The following MYLK variants were observed in gnomAD, a reference collection of about 807,000 sequenced individuals.
The protein encoded by MYLK is myosin light chain kinase.
Under a neutral mutation model 203.4 loss-of-function variants are expected in MYLK, and 106 were observed. The observed-to-expected ratio is 0.52, with a 90% CI of 0.45 to 0.61. The LOEUF (loss-of-function observed/expected upper bound fraction) is 0.61, where lower values mean the gene tolerates loss of function less well. Among genes scored for constraint, MYLK ranks in the 20% least tolerant of loss-of-function variants. The pLI, the probability that MYLK is intolerant of heterozygous loss-of-function variation, is 0.00. For synonymous variants in MYLK, 867 were observed against 959.5 expected, an observed-to-expected ratio of 0.90 and a Z score of 1.78; for missense variants, 2,072 against 2,442.3, an observed-to-expected ratio of 0.85 and a Z score of 3.20.
intron 18 of MYLK, among the ~76,000 whole-genome samples, chr3:123,694,526 C>T (rs2060826269): frequency 1.3e-5 from 2 of 152,132 alleles, no homozygotes; most frequent in Admixed American, 6.5e-5. Flanking sequence ...AGAGACCAAT[C>T]CCATCTGGAA....
At chr3:123,762,761 C>CA (rs1321131696) in intron 4 of MYLK, among the ~76,000 whole-genome samples, 1 of 152,180 alleles carries the variant, frequency 6.6e-6, no homozygotes, top group Non-Finnish European at 1.5e-5. Context: ...CATGAGATGA[C>CA]ATAGCATTCA....
chr3:123,768,102 C>A (rs941210833), intron 4 of MYLK, among the ~76,000 whole-genome samples: 21 of 152,182 alleles, frequency 1.4e-4, no homozygotes, highest in Non-Finnish European at 2.9e-4. Context: ...GCCCTAGAAG[C>A]TGAGGGGAAC....
At chr3:123,858,591 T>G (rs2031616834) in intron 2 of MYLK, among the ~76,000 whole-genome samples, 1 of 152,166 alleles carries the variant, frequency 6.6e-6, no homozygotes, top group East Asian at 1.9e-4. Flanking sequence ...CTTCCTCTTC[T>G]TATAACACCA....
At chr3:123,657,670 T>C (rs1156360501) in intron 23 of MYLK, among the ~76,000 whole-genome samples, 1 of 152,212 alleles carries the variant, frequency 6.6e-6, no homozygotes, top group East Asian at 1.9e-4. Context: ...TTTTGCTAGT[T>C]TTCCAGTCTA....
chr3:123,782,512 A>G (rs548104461), intron 4 of MYLK, among the ~76,000 whole-genome samples: 39 of 152,372 alleles, frequency 2.6e-4, no homozygotes, highest in Admixed American at 4.6e-4. Context: ...GAAGATAGAT[A>G]TTAGAAGGAA....
In MYLK at chr3:123,640,449, C is replaced by T; in HGVS notation, c.4675G>A (p.Glu1559Lys). The change falls in exon 28 of 34, where the codon GAG (glutamate) becomes AAG (lysine). Residue 1559 changes from glutamate (E) to lysine (K), a missense_variant. By Grantham distance (56) the Glu-to-Lys change is moderately conservative (BLOSUM62 1). Coordinates refer to ENST00000360304, the MANE Select transcript of MYLK (RefSeq NM_053025.4). The surrounding 1 kb of genome is among the most constrained non-coding windows in gnomAD (Gnocchi z 4.3). Reference sequence around the variant, plus strand: ...CGCATGTACTTGATGCACTCACGCTCCGTCAGCTCAAAGTCCTCGTCAATG... The same window carrying T: ...CGCATGTACTTGATGCACTCACGCTTCGTCAGCTCAAAGTCCTCGTCAATG... ...RIIDEDFELT[E>K]RECIKYMRQI... 6.2e-7 allele frequency: 1 copy of T among 1,614,122 alleles called. No individual in the cohort carries two copies. The highest frequency in any genetic ancestry group is 8.5e-7 in the Non-Finnish European group (1 of 1,180,036).
chr3:123,700,844 C>G lies in MYLK; in HGVS notation c.2624G>C (p.Arg875Thr), dbSNP rs1421073194. The change falls in exon 18 of 34, where the codon AGG (arginine) becomes ACG (threonine). Residue 875 changes from arginine to threonine, a missense_variant. Physicochemically the swap from Arg to Thr is moderately conservative, Grantham distance 71 (BLOSUM62 -1). Transcript: ENST00000360304. ...AGTGTGCTGCCTCGTCTCCACGCGC[C>G]TCTTCAGCACCCCTCGCACGTCCTC... ...DGEDVRGVLK[R>T]RVETRQHTEE... is the part of the protein sequence containing the mutation. The G allele has an allele frequency of 6.2e-7, 1 of 1,614,080 alleles. No homozygotes were observed. The highest frequency in any genetic ancestry group is 1.3e-5 in the African/African-American group (1 of 75,044).
At chr3:123,861,019 A>C (rs2031847248) in intron 2 of MYLK, among the ~76,000 whole-genome samples, 1 of 152,048 alleles carries the variant, frequency 6.6e-6, no homozygotes, top group Admixed American at 6.5e-5. Context: ...GGTCTCAGCT[A>C]CTTGGGAGGC....
intron 4 of MYLK, among the ~76,000 whole-genome samples, chr3:123,788,360 T>C (rs942168609): frequency 6.6e-6 from 1 of 151,902 alleles, no homozygotes; most frequent in Non-Finnish European, 1.5e-5. Flanking sequence ...TTCTTTCAAA[T>C]TTCTCTTTTT....
intron 2 of MYLK, among the ~76,000 whole-genome samples, chr3:123,869,169 T>G (rs1234239463): frequency 6.6e-6 from 1 of 152,028 alleles, no homozygotes; most frequent in African/African-American, 2.4e-5. Context: ...CCTCATCCCC[T>G]AACACGTGTG....
rs145612967 is a variant in MYLK at position 123,719,553 on chromosome 3, T to C, written c.1804+2575A>G. Among the ~76,000 whole-genome samples, 1,270 of 152,336 alleles carry C rather than the reference T, an allele frequency of 8.3e-3. 25 individuals carry two copies. Among genetic ancestry groups the C allele is most frequent in the African/African-American group, 0.029 (1,199 of 41,574 alleles). Reference sequence around the variant, plus strand: ...TGCTATCCTATGCTCTGGGGATACTTTGCACATTCATTCACTTAATCCTCA... The same window carrying C: ...TGCTATCCTATGCTCTGGGGATACTCTGCACATTCATTCACTTAATCCTCA... On this transcript the variant is annotated intron_variant, in intron 13 of 33. Transcript: ENST00000360304.
At position 123,733,726 on chromosome 3, in the gene MYLK, C is replaced by T. The variant is rs1302739464; in HGVS notation, c.1270G>A (p.Glu424Lys). 6.2e-7 allele frequency: 1 copy of T among 1,614,220 alleles called. No individual in the cohort carries two copies. Among genetic ancestry groups the T allele is most frequent in the East Asian group, 2.2e-5 (1 of 44,874 alleles). Residue 424 changes from glutamate to lysine, a missense_variant, in exon 10 of 34, where the codon GAG becomes AAG. By Grantham distance (56) the Glu-to-Lys change is moderately conservative (BLOSUM62 1). Transcript: ENST00000360304. ...PKFESKPQSQEVKENQTVKFR... is the reference protein window; with the variant it reads ...PKFESKPQSQKVKENQTVKFR... ...TTGACAGTTTGATTTTCCTTGACCTCCTGGCTTTGGGGCTTGCTCTCAAAT... is the reference window on the plus strand; with the variant it reads ...TTGACAGTTTGATTTTCCTTGACCTTCTGGCTTTGGGGCTTGCTCTCAAAT...
intron 13 of MYLK, among the ~76,000 whole-genome samples, chr3:123,710,569 A>G (rs1576679457): frequency 6.6e-6 from 1 of 152,228 alleles, no homozygotes; most frequent in African/African-American, 2.4e-5. Context: ...ATAAAAAGAC[A>G]TCACATCCCA....
At chr3:123,702,497 G>A (rs2061281637) in intron 16 of MYLK, among the ~76,000 whole-genome samples, 1 of 152,170 alleles carries the variant, frequency 6.6e-6, no homozygotes, top group Admixed American at 6.5e-5. Flanking sequence ...GCTCTGGGGT[G>A]GGACCCTCAG....
rs1007785900 is a variant in MYLK at position 123,610,609 on chromosome 3, C to T, written c.*3496G>A. 1 of 152,258 alleles carries T rather than the reference C, an allele frequency of 6.6e-6. No homozygotes were observed. Among genetic ancestry groups the T allele is most frequent in the Non-Finnish European group, 1.5e-5 (1 of 68,090 alleles). The allele number at this position is 152,258 out of a possible 1,614,324, so 9.4% of individuals were successfully genotyped here. A position where few individuals can be genotyped will look rare whatever the true frequency, so the allele number is the denominator to read the frequency against. ...GGAAGCCGAGAGTGAAGCCCTAACT[C>T]TGTGCAGAGATCCTTAGCAACAACT... On this transcript the variant is annotated 3_prime_UTR_variant, in exon 34 of 34. Transcript: ENST00000360304.
intron 2 of MYLK, among the ~76,000 whole-genome samples, chr3:123,850,023 T>C (rs1364675347): frequency 6.6e-6 from 1 of 152,240 alleles, no homozygotes; most frequent in Non-Finnish European, 1.5e-5. Flanking sequence ...GATAGTTTGC[T>C]GAGAAGGATG....
intron 13 of MYLK, among the ~76,000 whole-genome samples, chr3:123,717,270 G>T (rs2108706852): frequency 6.6e-6 from 1 of 152,298 alleles, no homozygotes; most frequent in African/African-American, 2.4e-5. Context: ...CAGAGTGCCT[G>T]GTATTAATCT....
At chr3:123,757,086 G>A (rs1576865507) in intron 4 of MYLK, among the ~76,000 whole-genome samples, 1 of 152,188 alleles carries the variant, frequency 6.6e-6, no homozygotes, top group African/African-American at 2.4e-5. Flanking sequence ...CATTCTACCT[G>A]CCTGTCTCAC....
intron 17 of MYLK, 107 bp from the exon 18 acceptor site, chr3:123,701,112 G>A (rs2061193662): frequency 7.0e-7 from 1 of 1,431,776 alleles, no homozygotes. Context: ...GTAGAGGGGA[G>A]CGGGAGGGGA....
Sources: allele counts gnomAD v4.1 joint callset (sites outside exome capture counted in the v4.1 genomes callset), GRCh38; gene constraint gnomAD v4.1.1; non-coding constraint Gnocchi (gnomAD v3.1); transcripts MANE v1.5; gene names NCBI Gene and HGNC (gene_info 2026-07-23, HGNC 2026-07-21).